The following KCNJ12 variants were observed in gnomAD, a reference collection of about 807,000 sequenced individuals.
KCNJ12 encodes the protein potassium inwardly rectifying channel subfamily J member 12.
In KCNJ12, 2 loss-of-function variants were observed where a neutral mutation model predicts 22.3. The ratio of observed to expected loss-of-function variants is 0.09; its 90% CI spans 0.04 to 0.28. The LOEUF is 0.28. KCNJ12 is among the 10% of genes least tolerant of loss of function. KCNJ12 has a pLI of 1.00. For missense variants in KCNJ12, 155 were observed against 633.3 expected, an observed-to-expected ratio of 0.24 and a Z score of 8.11; for synonymous variants, 117 against 261.4, an observed-to-expected ratio of 0.45 and a Z score of 5.33.
In KCNJ12 at chr17:21,416,056, C is replaced by T. The variant is rs374137921; in HGVS notation, c.714C>T (p.Thr238=). The T allele has an allele frequency of 2.0e-4, 325 of 1,609,114 alleles. No homozygotes were observed. The highest frequency in any genetic ancestry group is 2.3e-4 in the Non-Finnish European group (265 of 1,177,648). The change falls in exon 3 of 3, where the codon ACC becomes ACT. Residue 238 remains threonine, a synonymous_variant. Coordinates refer to ENST00000583088, the MANE Select transcript of KCNJ12 (RefSeq NM_021012.5). ...VRAQLIKPRV[T]EEGEYIPLDQ... ...CGCAGCTCATCAAGCCGCGGGTCAC[C>T]GAGGAGGGCGAGTACATCCCGCTGG...
chr17:21,405,874 A>G (rs1297931595), intron 1 of KCNJ12, among the ~76,000 whole-genome samples: 2 of 152,426 alleles, frequency 1.3e-5, no homozygotes, highest in African/African-American at 4.8e-5. Context: ...ACTTCAGGAA[A>G]GTCTCTTCTC....
chr17:21,415,779 A>G lies in KCNJ12; in HGVS notation c.437A>G (p.Tyr146Cys), dbSNP rs782138834. 138 of 1,610,604 alleles carry G rather than the reference A, an allele frequency of 8.6e-5. No homozygotes were observed. In the Middle Eastern group the frequency reaches 1.7e-3, roughly 20 times the overall value. Residue 146 changes from tyrosine (Y) to cysteine (C), a missense_variant, in exon 3 of 3, where the codon TAC becomes TGC. Physicochemically the swap from Tyr to Cys is radical, Grantham distance 194. Coordinates refer to ENST00000583088, the MANE Select transcript of KCNJ12 (RefSeq NM_021012.5). ...ATCGAGACGCAGACCACCATCGGCT[A>G]CGGGCTGCGCTGTGTGACGGAGGAG... ...FSIETQTTIG[Y>C]GLRCVTEECP...
chr17:21,392,733 A>G (rs1295700013), intron 1 of KCNJ12, among the ~76,000 whole-genome samples: 1 of 152,234 alleles, frequency 6.6e-6, no homozygotes, highest in Non-Finnish European at 1.5e-5. Context: ...TTTGTGGTCC[A>G]TGATGGTGGC....
At chr17:21,400,482 C>G (rs1180259364) in intron 1 of KCNJ12, among the ~76,000 whole-genome samples, 1 of 152,416 alleles carries the variant, frequency 6.6e-6, no homozygotes, top group African/African-American at 2.4e-5. Flanking sequence ...TGTGAGGAGC[C>G]GGGCACAGGG....
intron 1 of KCNJ12, among the ~76,000 whole-genome samples, chr17:21,381,965 A>G (rs1904883288): frequency 6.6e-6 from 1 of 152,204 alleles, no homozygotes. Context: ...GGTAGCCAGC[A>G]TTGTCAGCCC....
chr17:21,396,885 G>A (rs1222725132), intron 1 of KCNJ12, among the ~76,000 whole-genome samples: 6 of 152,108 alleles, frequency 3.9e-5, no homozygotes, highest in Admixed American at 3.9e-4. Flanking sequence ...CTGGATGCAC[G>A]CAGGTGTTTG....
intron 1 of KCNJ12, among the ~76,000 whole-genome samples, chr17:21,379,641 G>T (rs1339367834): frequency 3.3e-5 from 5 of 152,224 alleles, no homozygotes; most frequent in African/African-American, 4.8e-5. Flanking sequence ...GGTGCGGTGG[G>T]TGGGGGCTCA....
At chr17:21,400,249 C>G in intron 1 of KCNJ12, among the ~76,000 whole-genome samples, 1 of 152,222 alleles carries the variant, frequency 6.6e-6, no homozygotes, top group East Asian at 1.9e-4. Context: ...CTCTGAGCGG[C>G]CTGCCCCACC....
intron 1 of KCNJ12, among the ~76,000 whole-genome samples, chr17:21,377,315 C>T (rs1904694005): frequency 6.6e-6 from 1 of 152,092 alleles, no homozygotes; most frequent in Non-Finnish European, 1.5e-5. Context: ...TCCCGGAGAC[C>T]CCGCGATCGA....
At chr17:21,395,696 C>T (rs985631562) in intron 1 of KCNJ12, among the ~76,000 whole-genome samples, 1 of 151,292 alleles carries the variant, frequency 6.6e-6, no homozygotes, top group South Asian at 2.1e-4. Flanking sequence ...TTTATGAAGT[C>T]ATTAATCCTC....
chr17:21,407,993 T>TCCATCCATCCATC (rs112788755), intron 1 of KCNJ12, among the ~76,000 whole-genome samples: 4 of 134,470 alleles, frequency 3.0e-5, no homozygotes, highest in Non-Finnish European at 3.2e-5. Flanking sequence ...CACCCATCCA[T>TCCATCCATCCATC]CATCCATCCA....
chr17:21,382,132 C>G (rs1453078440), intron 1 of KCNJ12, among the ~76,000 whole-genome samples: 1 of 152,184 alleles, frequency 6.6e-6, no homozygotes, highest in African/African-American at 2.4e-5. Context: ...TTCCTTCAGG[C>G]CCCTACTCTG....
chr17:21,381,367 TGCCTGGTGCACTCTGGGTGTCAGG>T (rs1298069332), intron 1 of KCNJ12, among the ~76,000 whole-genome samples: 1 of 152,166 alleles, frequency 6.6e-6, no homozygotes, highest in African/African-American at 2.4e-5. Context: ...ACTTTCTATG[TGCCTGGTGCACTCTGGGTGTCAGG>T]GCCCTCTGTC....
At chr17:21,407,909 T>C (rs1320277117) in intron 1 of KCNJ12, among the ~76,000 whole-genome samples, 9 of 152,268 alleles carry the variant, frequency 5.9e-5, no homozygotes, top group Non-Finnish European at 1.2e-4. Flanking sequence ...CACCCATGTA[T>C]TCATTCATCC....
chr17:21,387,990 C>T (rs1418021265), intron 1 of KCNJ12, among the ~76,000 whole-genome samples: 1 of 152,176 alleles, frequency 6.6e-6, no homozygotes, highest in East Asian at 1.9e-4. Flanking sequence ...TCCACTCCTC[C>T]CCCACTGCTG....
chr17:21,403,300 CTT>C (rs1191556730), intron 1 of KCNJ12, among the ~76,000 whole-genome samples: 3 of 152,308 alleles, frequency 2.0e-5, no homozygotes, highest in Non-Finnish European at 4.4e-5. Context: ...CATAAGAACT[CTT>C]TATATATTAA....
intron 1 of KCNJ12, among the ~76,000 whole-genome samples, chr17:21,383,753 A>G (rs1253914806): frequency 6.6e-6 from 1 of 152,030 alleles, no homozygotes; most frequent in African/African-American, 2.4e-5. Context: ...AGCTTTGAGG[A>G]TGCAGGATTT....
At chr17:21,382,760 G>A (rs1467358174) in intron 1 of KCNJ12, among the ~76,000 whole-genome samples, 6 of 152,168 alleles carry the variant, frequency 3.9e-5, no homozygotes, top group African/African-American at 1.4e-4. Flanking sequence ...GGTTGGCCAG[G>A]TGTGCAGCCA....
chr17:21,377,632 T>C (rs1300710232), intron 1 of KCNJ12, among the ~76,000 whole-genome samples: 4 of 151,722 alleles, frequency 2.6e-5, no homozygotes, highest in African/African-American at 9.7e-5. Flanking sequence ...GGGGCGGGAA[T>C]CAGGGGCTCA....
Sources: gnomAD v4.1 joint callset for allele counts (sites outside exome capture counted in the v4.1 genomes callset) on GRCh38, gnomAD v4.1.1 for gene constraint, MANE v1.5 for transcripts, NCBI Gene and HGNC (gene_info 2026-07-23, HGNC 2026-07-21) for gene names.